The following SEMA3A variants were observed in gnomAD, a reference collection of about 807,000 sequenced individuals.
The protein encoded by SEMA3A is semaphorin-3A.
In SEMA3A, 29 loss-of-function variants were observed where a neutral mutation model predicts 97.9. The observed-to-expected ratio is 0.30, with a 90% CI of 0.22 to 0.40. The LOEUF is 0.40. Ranked by LOEUF, SEMA3A falls within the 10% of genes least tolerant of loss-of-function variation. The pLI is 1.00. For missense variants in SEMA3A, 763 were observed against 951.3 expected, an observed-to-expected ratio of 0.80 and a Z score of 2.60; for synonymous variants, 321 against 323.7, an observed-to-expected ratio of 0.99 and a Z score of 0.09.
chr7:84,224,399 G>A (rs1295446294), intron 3 of SEMA3A, among the ~76,000 whole-genome samples: 1 of 151,934 alleles, frequency 6.6e-6, no homozygotes, highest in Non-Finnish European at 1.5e-5. Flanking sequence ...TTTTAGAGAT[G>A]ATCTTCACAA....
intron 12 of SEMA3A, among the ~76,000 whole-genome samples, chr7:83,991,180 A>G (rs1789909708): frequency 6.6e-6 from 1 of 151,388 alleles, no homozygotes; most frequent in African/African-American, 2.4e-5. Context: ...GTATCCTGAG[A>G]CTTTGCTGAA....
intron 2 of SEMA3A, among the ~76,000 whole-genome samples, chr7:84,361,391 T>A (rs1461629997): frequency 6.6e-6 from 1 of 151,676 alleles, no homozygotes; most frequent in Non-Finnish European, 1.5e-5. Context: ...AAGAAATAAA[T>A]AAAGGAAAAA....
At chr7:84,186,520 C>A (rs1797892352) in intron 1 of SEMA3A, among the ~76,000 whole-genome samples, 1 of 151,944 alleles carries the variant, frequency 6.6e-6, no homozygotes, top group South Asian at 2.1e-4. Context: ...AATTTCTGAC[C>A]CATATTATGA....
At chr7:84,191,137 T>G (rs1443577651) in intron 1 of SEMA3A, among the ~76,000 whole-genome samples, 1 of 150,554 alleles carries the variant, frequency 6.6e-6, no homozygotes, top group Non-Finnish European at 1.5e-5. Context: ...AAATTTTAAC[T>G]AAATAAAATG....
chr7:84,363,130 T>C (rs954474951), intron 2 of SEMA3A, among the ~76,000 whole-genome samples: 1 of 151,938 alleles, frequency 6.6e-6, no homozygotes, highest in African/African-American at 2.4e-5. Context: ...GAAATTCTCT[T>C]TCAGCAAAAT....
At chr7:84,407,693 G>C (rs1804136756) in intron 1 of SEMA3A, among the ~76,000 whole-genome samples, 1 of 152,040 alleles carries the variant, frequency 6.6e-6, no homozygotes, top group Non-Finnish European at 1.5e-5. Flanking sequence ...TACCAAAACA[G>C]AGATGTAGAC....
chr7:84,429,610 T>C (rs1160806426), intron 1 of SEMA3A, among the ~76,000 whole-genome samples: 1 of 144,092 alleles, frequency 6.9e-6, no homozygotes, highest in East Asian at 2.1e-4. Flanking sequence ...TTACATGTTA[T>C]CATTCCACTT....
At chr7:84,406,345 C>T (rs917935300) in intron 1 of SEMA3A, among the ~76,000 whole-genome samples, 64 of 152,024 alleles carry the variant, frequency 4.2e-4, no homozygotes, top group Non-Finnish European at 7.4e-4. Context: ...CAAGACTAAA[C>T]CAGGAAGAAG....
intron 2 of SEMA3A, among the ~76,000 whole-genome samples, chr7:84,345,185 G>C (rs912875126): frequency 3.9e-5 from 6 of 152,118 alleles, no homozygotes; most frequent in African/African-American, 1.4e-4. Context: ...AGTCTATTAA[G>C]TGTGCAACAG....
chr7:84,461,155 T>C (rs923345536), intron 1 of SEMA3A, among the ~76,000 whole-genome samples: 3 of 152,184 alleles, frequency 2.0e-5, no homozygotes, highest in African/African-American at 4.8e-5. Flanking sequence ...TGTCATGTAA[T>C]AGACAGGATC....
At chr7:83,972,701 A>C (rs1284146414) in intron 15 of SEMA3A, among the ~76,000 whole-genome samples, 4 of 152,110 alleles carry the variant, frequency 2.6e-5, no homozygotes, top group Non-Finnish European at 5.9e-5. Context: ...CAAGCTTTTA[A>C]AAAAATCTTA....
At chr7:84,420,081 A>G (rs2116275948) in intron 1 of SEMA3A, among the ~76,000 whole-genome samples, 1 of 152,214 alleles carries the variant, frequency 6.6e-6, no homozygotes, top group South Asian at 2.1e-4. Context: ...GTTCTGGGGA[A>G]GAAGGAGAAT....
At chr7:84,211,174 T>C (rs916458641) in intron 3 of SEMA3A, among the ~76,000 whole-genome samples, 1 of 152,174 alleles carries the variant, frequency 6.6e-6, no homozygotes, top group African/African-American at 2.4e-5. Context: ...TTTAATGGAA[T>C]GGTCTATACC....
At chr7:84,272,804 G>T (rs2115709242) in intron 3 of SEMA3A, among the ~76,000 whole-genome samples, 1 of 152,120 alleles carries the variant, frequency 6.6e-6, no homozygotes, top group Non-Finnish European at 1.5e-5. Flanking sequence ...AATCTTTAGG[G>T]ACTTTTCTAT....
chr7:84,014,457 G>T, intron 6 of SEMA3A, 106 bp from the exon 7 acceptor site: 1 of 830,698 alleles, frequency 1.2e-6, no homozygotes, highest in Non-Finnish European at 1.8e-6. Context: ...TATATTTCAA[G>T]AAACGTATCT....
intron 3 of SEMA3A, among the ~76,000 whole-genome samples, chr7:84,295,827 C>G (rs951557483): frequency 1.3e-5 from 2 of 151,614 alleles, no homozygotes; most frequent in Non-Finnish European, 2.9e-5. Flanking sequence ...ATAAATAAAC[C>G]AATATATTGA....
intron 15 of SEMA3A, among the ~76,000 whole-genome samples, chr7:83,968,017 T>A (rs1012906660): frequency 6.6e-6 from 1 of 152,130 alleles, no homozygotes; most frequent in Non-Finnish European, 1.5e-5. Flanking sequence ...TGCTATCAAT[T>A]TGATTCTTTA....
chr7:84,168,882 C>G (rs1797297764), intron 1 of SEMA3A, among the ~76,000 whole-genome samples: 1 of 151,578 alleles, frequency 6.6e-6, no homozygotes, highest in Non-Finnish European at 1.5e-5. Context: ...GTTTAAATTT[C>G]TTTTCTACTT....
chr7:84,421,868 G>T (rs537269530), intron 1 of SEMA3A, among the ~76,000 whole-genome samples: 1 of 151,906 alleles, frequency 6.6e-6, no homozygotes, highest in South Asian at 2.1e-4. Flanking sequence ...GGATGAAGCT[G>T]ACTTGATTGT....
Sources: gnomAD v4.1 joint callset for allele counts (sites outside exome capture counted in the v4.1 genomes callset) on GRCh38, gnomAD v4.1.1 for gene constraint, MANE v1.5 for transcripts, NCBI Gene and HGNC (gene_info 2026-07-23, HGNC 2026-07-21) for gene names.